NUP210: variants seen among roughly 807,000 people sequenced by gnomAD.
NUP210 encodes nuclear pore membrane glycoprotein 210.
A neutral mutation model predicts 196.0 loss-of-function variants in NUP210; 151 were observed. That is an observed-to-expected ratio of 0.77 (90% CI 0.67 to 0.88). The LOEUF (loss-of-function observed/expected upper bound fraction) is 0.88. Ranked by LOEUF, NUP210 falls within the 40% of genes least tolerant of loss-of-function variation. The probability of loss-of-function intolerance (pLI) is 0.00; values close to 1 mark genes in which losing one functional copy is unlikely to be tolerated. For synonymous variants in NUP210, 1,070 were observed against 1,052.7 expected, an observed-to-expected ratio of 1.02 and a Z score of -0.32; for missense variants, 2,314 against 2,493.7, an observed-to-expected ratio of 0.93 and a Z score of 1.53.
At chr3:13,377,357 G>T in intron 9 of NUP210, 99 bp downstream of exon 9, 1 of 835,798 alleles carries the variant, frequency 1.2e-6, no homozygotes, top group Non-Finnish European at 2.0e-6. Context: ...CGGTCAGCCT[G>T]CATGGGGGCT....
At chr3:13,336,281 G>A (rs1559313332) in intron 27 of NUP210, among the ~76,000 whole-genome samples, 1 of 152,182 alleles carries the variant, frequency 6.6e-6, no homozygotes, top group Non-Finnish European at 1.5e-5. Flanking sequence ...AGTCACAGGG[G>A]CTGGTGCCCA....
rs770027401 is a variant in NUP210 at position 13,341,833 on chromosome 3, C to T, written c.3143G>A (p.Gly1048Asp). The T allele has an allele frequency of 2.5e-6, 4 of 1,614,186 alleles. No homozygotes were observed. Among genetic ancestry groups the T allele is most frequent in the Non-Finnish European group, 3.4e-6 (4 of 1,180,034 alleles). ...TAGACTGGTCTGGCCGATGGCCACA[C>T]CGCGGATGAGGAATGTGATGGTGTA... ...DNYTITFLIR[G>D]VAIGQTSLTA... Residue 1048 changes from glycine (G) to aspartate (D), a missense_variant, in exon 23 of 40, where the codon GGT (glycine) becomes GAT (aspartate). Coordinates refer to ENST00000254508, the MANE Select transcript of NUP210 (RefSeq NM_024923.4).
chr3:13,387,003 AT>A (rs1424093033), intron 5 of NUP210, among the ~76,000 whole-genome samples: 31 of 152,234 alleles, frequency 2.0e-4, no homozygotes, highest in African/African-American at 7.5e-4. Flanking sequence ...TGCACCTTTC[AT>A]TGTCTTTGGC....
chr3:13,336,423 C>A (rs916643234), intron 27 of NUP210, among the ~76,000 whole-genome samples: 1 of 152,186 alleles, frequency 6.6e-6, no homozygotes, highest in Non-Finnish European at 1.5e-5. Context: ...GAAGCCAGGG[C>A]CCCTCGCTGG....
chr3:13,339,100 T>C (rs1697350741), intron 25 of NUP210, among the ~76,000 whole-genome samples: 1 of 152,192 alleles, frequency 6.6e-6, no homozygotes, highest in South Asian at 2.1e-4. Context: ...CAAGTCTTTC[T>C]CTTTGTCTTC....
rs777454911 is a variant in NUP210 at position 13,317,642 on chromosome 3, G to A, written c.*39C>T. The A allele has an allele frequency of 2.8e-6, 4 of 1,434,992 alleles. No homozygotes were observed. In the South Asian group the frequency reaches 3.6e-5, roughly 13 times the overall value. The allele number at this position is 1,434,992 out of a possible 1,614,324, so 88.9% of individuals were successfully genotyped here. ...ATGTTCCATCTTGGGGGTGCACGAG[G>A]CTCGGCTGAGACCCATCCTCCGGGA... On this transcript the variant is annotated 3_prime_UTR_variant, in exon 40 of 40. Coordinates refer to ENST00000254508, the MANE Select transcript of NUP210 (RefSeq NM_024923.4).
chr3:13,375,620 G>A lies in NUP210; in HGVS notation c.1315C>T (p.Gln439Ter). 1.9e-6 allele frequency: 3 copies of A among 1,613,970 alleles called. No individual in the cohort carries two copies. The highest frequency in any genetic ancestry group is 2.5e-6 in the Non-Finnish European group (3 of 1,179,994). Residue 439 changes from glutamine to a stop codon, truncating the protein, a stop_gained, in exon 11 of 40, where the codon CAG becomes TAG. Coordinates refer to ENST00000254508, the MANE Select transcript of NUP210 (RefSeq NM_024923.4). LOFTEE classifies it high-confidence loss of function. The stretch of plus-strand genomic sequence containing the variant: ...TCCTGCTGGTTCCACACAGGCACCT[G>A]TAGTATGTGGACCCCTCCATCCTAC... Reference protein sequence around the residue: ...VDQDGGVHILQVPVWNQQEVE... With the variant: ...VDQDGGVHIL
chr3:13,394,114 C>A (rs555125416), intron 3 of NUP210, among the ~76,000 whole-genome samples: 2 of 152,284 alleles, frequency 1.3e-5, no homozygotes, highest in South Asian at 4.1e-4. Flanking sequence ...ACAAGTCCCA[C>A]CTTGGGCAGC....
chr3:13,382,474 C>T (rs1489610733), intron 6 of NUP210, among the ~76,000 whole-genome samples: 1 of 152,176 alleles, frequency 6.6e-6, no homozygotes, highest in Non-Finnish European at 1.5e-5. Flanking sequence ...GACCACTGTG[C>T]ACCCAGCACT....
chr3:13,417,985 A>G (rs1700401929), intron 1 of NUP210, among the ~76,000 whole-genome samples: 1 of 152,256 alleles, frequency 6.6e-6, no homozygotes, highest in African/African-American at 2.4e-5. Flanking sequence ...AGAAAGTAAC[A>G]CACAAATATA....
rs1697922427 is a variant in NUP210, at chr3:13,350,299, A to C, written c.2835+1580T>G. On this transcript the variant is annotated intron_variant, in intron 20 of 39. Coordinates refer to ENST00000254508, the MANE Select transcript of NUP210 (RefSeq NM_024923.4). The surrounding 1 kb of genome is among the most constrained non-coding windows in gnomAD (Gnocchi z 4.1). ...GCGTGTGTTTTTGTGTCTTCAGCAAAATAACAAGGCCAGTCACTAAAGAAG... is the reference window on the plus strand; with the variant it reads ...GCGTGTGTTTTTGTGTCTTCAGCAACATAACAAGGCCAGTCACTAAAGAAG... Among the ~76,000 whole-genome samples, 1 of 152,050 alleles carries C rather than the reference A, an allele frequency of 6.6e-6. No individual in the cohort carries two copies. Among genetic ancestry groups the C allele is most frequent in the Non-Finnish European group, 1.5e-5 (1 of 68,034 alleles).
intron 37 of NUP210, 71 bp from the exon 38 acceptor site, chr3:13,319,396 T>A: frequency 7.8e-7 from 1 of 1,287,392 alleles, no homozygotes. Context: ...GTTCCTGCCC[T>A]ACTGTACGTC....
At chr3:13,397,160 G>A (rs1315357462) in intron 3 of NUP210, among the ~76,000 whole-genome samples, 197 bp downstream of exon 3, 6 of 152,142 alleles carry the variant, frequency 3.9e-5, no homozygotes, top group African/African-American at 1.4e-4. Flanking sequence ...CCGAGGGCTT[G>A]AGGCCCACCT....
intron 32 of NUP210, among the ~76,000 whole-genome samples, chr3:13,326,321 C>T (rs893076348): frequency 4.1e-5 from 6 of 145,672 alleles, no homozygotes; most frequent in Admixed American, 3.5e-4. Flanking sequence ...AAGCACAGCC[C>T]CTCCCCATCC....
intron 1 of NUP210, among the ~76,000 whole-genome samples, chr3:13,411,217 G>T (rs1700166042): frequency 6.6e-6 from 1 of 152,156 alleles, no homozygotes. Flanking sequence ...GGGTGATAGA[G>T]CAAGAATCTG....
chr3:13,369,106 G>C (rs187509964), intron 13 of NUP210, among the ~76,000 whole-genome samples: 5 of 152,280 alleles, frequency 3.3e-5, no homozygotes, highest in Admixed American at 3.3e-4. Flanking sequence ...GCTGTTTTCT[G>C]TTGTTTTGAT....
chr3:13,344,913 C>T, intron 20 of NUP210: 1 of 985,230 alleles, frequency 1.0e-6, no homozygotes, highest in Non-Finnish European at 1.2e-6. Flanking sequence ...TTCCTCAGAA[C>T]AGTCTTCCTG....
chr3:13,391,990 G>A (rs925417975), intron 3 of NUP210, among the ~76,000 whole-genome samples: 2 of 152,046 alleles, frequency 1.3e-5, no homozygotes, highest in African/African-American at 4.8e-5. Flanking sequence ...CCACCCACCT[G>A]GGCCTCATTC....
intron 31 of NUP210, among the ~76,000 whole-genome samples, chr3:13,328,197 G>A (rs1027314270): frequency 5.3e-5 from 8 of 152,202 alleles, no homozygotes; most frequent in East Asian, 1.9e-4. Flanking sequence ...AATTATGTGC[G>A]CACACACGGA....
Sources: allele counts gnomAD v4.1 joint callset (sites outside exome capture counted in the v4.1 genomes callset), GRCh38; gene constraint gnomAD v4.1.1; non-coding constraint Gnocchi (gnomAD v3.1); transcripts MANE v1.5; gene names NCBI Gene and HGNC (gene_info 2026-07-23, HGNC 2026-07-21).